The following CLN6 variants were observed in gnomAD, a reference collection of about 807,000 sequenced individuals.
CLN6 encodes CLN6 transmembrane ER protein, also known as ceroid-lipofuscinosis neuronal protein 6.
CLN6 carries 22 observed loss-of-function variants against 33.3 expected under a neutral mutation model. The observed-to-expected ratio is 0.66, with a 90% CI of 0.47 to 0.94. CLN6 has a LOEUF of 0.94. Ranked by LOEUF, CLN6 falls within the 40% of genes least tolerant of loss-of-function variation. The probability of loss-of-function intolerance (pLI) is 0.00; values close to 1 mark genes in which losing one functional copy is unlikely to be tolerated. For missense variants in CLN6, 387 were observed against 417.1 expected, an observed-to-expected ratio of 0.93 and a Z score of 0.63; for synonymous variants, 201 against 174.6, an observed-to-expected ratio of 1.15 and a Z score of -1.19.
In CLN6 at chr15:68,226,940, AG is replaced by A. The variant is rs1377720402; in HGVS notation, c.83+2561del. Among the ~76,000 whole-genome samples the A allele has an allele frequency of 3.3e-5, 5 of 152,366 alleles. No individual in the cohort carries two copies. In the East Asian group the frequency reaches 9.6e-4, roughly 29 times the overall value. ...AGCTAGGGTGATTGTCTCTGGTGCT[AG>A]GGAAGAGTGGGACAGGGATTACTAC... On this transcript the variant is annotated intron_variant, in intron 1 of 6. Transcript: ENST00000249806.
intron 1 of CLN6, among the ~76,000 whole-genome samples, chr15:68,243,754 C>CAA (rs56110025): frequency 0.04 from 3,446 of 86,786 alleles, 141 homozygotes; most frequent in African/African-American, 0.12. Context: ...GACTCTATCT[C>CAA]AAAAAAAAAA....
chr15:68,214,230 T>A (rs1180057816), intron 3 of CLN6, 60 bp downstream of exon 3: 2 of 1,290,988 alleles, frequency 1.5e-6, no homozygotes, highest in African/African-American at 2.9e-5. Context: ...AGCATCACCT[T>A]CCTGCCAGGT....
chr15:68,224,805 G>C (rs117710555), intron 1 of CLN6, among the ~76,000 whole-genome samples: 294 of 152,166 alleles, frequency 1.9e-3, no homozygotes, highest in Non-Finnish European at 3.4e-3. Flanking sequence ...TGAGCCCCCA[G>C]CCTGTGCCAG....
chr15:68,216,813 C>A (rs539132058), intron 2 of CLN6, among the ~76,000 whole-genome samples: 32 of 152,330 alleles, frequency 2.1e-4, no homozygotes, highest in African/African-American at 7.5e-4. Flanking sequence ...TCCCTACGGG[C>A]AGATTCTCGG....
At chr15:68,237,795 T>A (rs1892235010) in intron 1 of CLN6, among the ~76,000 whole-genome samples, 1 of 152,190 alleles carries the variant, frequency 6.6e-6, no homozygotes, top group Non-Finnish European at 1.5e-5. Context: ...ATAAAAGACA[T>A]GAGCCCACAG....
chr15:68,249,352 T>G (rs1223505491), intron 1 of CLN6, among the ~76,000 whole-genome samples: 2 of 152,234 alleles, frequency 1.3e-5, no homozygotes, highest in Non-Finnish European at 2.9e-5. Context: ...AATTGATATA[T>G]TGAAGAGAAA....
At position 68,211,918 on chromosome 15, in the gene CLN6, C is replaced by T. The variant is rs908457846; in HGVS notation, c.298-55G>A. 3.8e-6 allele frequency: 6 copies of T among 1,565,800 alleles called. No individual in the cohort carries two copies. The South Asian group carries it at 6.7e-5, about 17-fold the overall frequency. ...ACCCCACCTCTGTCACAGTATGTGA[C>T]ACCCTCTGCTTCCCCCCTCACACCT... is the stretch of plus-strand genomic sequence containing the variant. On this transcript the variant is annotated intron_variant, in intron 3 of 6. Transcript: ENST00000249806. This position sits in a 1 kb window ranked among gnomAD's most constrained non-coding sequence, Gnocchi z 5.9.
Position 68,245,132 on chromosome 15 carries a change from GT to G in CLN6, c.179+11557del, listed in dbSNP as rs1013392564. Among the ~76,000 whole-genome samples the G allele has an allele frequency of 4.7e-4, 68 of 143,414 alleles. 1 individual carries two copies. The highest frequency in any genetic ancestry group is 8.4e-4 in the Admixed American group (12 of 14,332). 94.1% of individuals were successfully genotyped at this position (143,414 alleles called of 152,430 possible). ...GGGGAGATGGAGTTAAAGTGCAGAG[GT>G]TTTTTTTTTTGGTTTTGCTTTATTT... On this transcript the variant is annotated intron_variant, in intron 1 of 6. Transcript: ENST00000538696.
chr15:68,229,542 C>A lies in CLN6; in HGVS notation c.43G>T (p.Gly15Cys), dbSNP rs1057524348. 7.5e-6 allele frequency: 11 copies of A among 1,468,310 alleles called. No individual in the cohort carries two copies. The highest frequency in any genetic ancestry group is 4.7e-5 in the Admixed American group (2 of 42,528). 91.0% of individuals were successfully genotyped at this position (1,468,310 alleles called of 1,614,324 possible). Residue 15 changes from glycine to cysteine, a missense_variant, in exon 1 of 7, where the codon GGC becomes TGC. Coordinates refer to ENST00000249806, the MANE Select transcript of CLN6 (RefSeq NM_017882.3). ...RRRQHLGATG[G>C]PGAQLGASFL... The stretch of plus-strand genomic sequence containing the variant: ...GAGGCGCCCAGCTGCGCGCCTGGGC[C>A]GCCCGTCGCTCCCAGGTGCTGCCGC...
intron 2 of CLN6, among the ~76,000 whole-genome samples, chr15:68,217,606 T>C (rs1305152969): frequency 6.6e-6 from 1 of 152,220 alleles, no homozygotes. Flanking sequence ...TTGTTATTTT[T>C]ACACTTGAAT....
At chr15:68,245,365 T>G (rs112482802) in intron 1 of CLN6, among the ~76,000 whole-genome samples, 2 of 151,840 alleles carry the variant, frequency 1.3e-5, no homozygotes, top group East Asian at 3.9e-4. Flanking sequence ...GAGCTTGAGA[T>G]GAGCCTGGGC....
Position 68,242,857 on chromosome 15 carries a change from A to G in CLN6, c.179+13833T>C, listed in dbSNP as rs992937426. 2.0e-5 allele frequency among the ~76,000 whole-genome samples: 3 copies of G among 152,230 alleles called. No individual in the cohort carries two copies. The highest frequency in any genetic ancestry group is 4.8e-5 in the African/African-American group (2 of 41,458). Reference sequence around the variant, plus strand: ...TGGGGACATGTGGAGAGCCATGCCCACCAGCTATGCTAAGAGTCAGACCTT... The same window carrying G: ...TGGGGACATGTGGAGAGCCATGCCCGCCAGCTATGCTAAGAGTCAGACCTT... On this transcript the variant is annotated intron_variant, in intron 1 of 6. Coordinates refer to the CLN6 transcript ENST00000538696. The surrounding 1 kb of genome is among the most constrained non-coding windows in gnomAD (Gnocchi z 5.0).
intron 1 of CLN6, among the ~76,000 whole-genome samples, chr15:68,238,145 C>T (rs907873979): frequency 2.7e-5 from 4 of 149,784 alleles, no homozygotes; most frequent in African/African-American, 7.4e-5. Context: ...GTGGGTCACG[C>T]CTGTAATCCC....
At chr15:68,222,951 A>G (rs1474794418) in intron 1 of CLN6, among the ~76,000 whole-genome samples, 5 of 151,894 alleles carry the variant, frequency 3.3e-5, no homozygotes, top group Non-Finnish European at 7.4e-5. Flanking sequence ...AGTCATCACC[A>G]CTCCCTAATC....
chr15:68,218,181 G>A (rs2093225739), intron 2 of CLN6: 4 of 276,578 alleles, frequency 1.4e-5, no homozygotes, highest in East Asian at 8.4e-5. Context: ...GTGGGGGTGC[G>A]GTGCTCCACT....
chr15:68,216,358 A>G (rs1452992955), intron 2 of CLN6, among the ~76,000 whole-genome samples: 1 of 152,234 alleles, frequency 6.6e-6, no homozygotes, highest in Non-Finnish European at 1.5e-5. Flanking sequence ...GACTTGCCCT[A>G]GGTCACCCAC....
chr15:68,240,787 C>A (rs949192762), intron 1 of CLN6, among the ~76,000 whole-genome samples: 1 of 151,574 alleles, frequency 6.6e-6, no homozygotes, highest in Non-Finnish European at 1.5e-5. Context: ...AGTTCGAGAC[C>A]ACCCTGGCCA....
upstream of CLN6, among the ~76,000 whole-genome samples, chr15:68,231,443 G>C (rs573659477): frequency 1.5e-3 from 226 of 152,264 alleles, 4 homozygotes; most frequent in African/African-American, 5.1e-3. Context: ...GCACTCAGAC[G>C]GGGCCCCAGA....
rs1188857871 is a variant in CLN6, at chr15:68,208,037, C to T, written c.*103G>A. ...ACGAGGCACACCCCACTCATGCTCT[C>T]GGTCTCTGGTTACACACCCACACCC... On this transcript the variant is annotated 3_prime_UTR_variant, in exon 7 of 7. Coordinates refer to ENST00000249806, the MANE Select transcript of CLN6 (RefSeq NM_017882.3). This position sits in a 1 kb window ranked among gnomAD's most constrained non-coding sequence, Gnocchi z 5.8. The T allele has an allele frequency of 8.5e-6, 11 of 1,295,460 alleles. No individual in the cohort carries two copies. Among genetic ancestry groups the T allele is most frequent in the South Asian group, 7.8e-5 (6 of 77,048 alleles). 80.2% of individuals were successfully genotyped at this position (1,295,460 alleles called of 1,614,324 possible).
Sources: gnomAD v4.1 joint callset for allele counts (sites outside exome capture counted in the v4.1 genomes callset) on GRCh38, gnomAD v4.1.1 for gene constraint, Gnocchi (gnomAD v3.1) non-coding constraint, MANE v1.5 for transcripts, NCBI Gene and HGNC (gene_info 2026-07-23, HGNC 2026-07-21) for gene names.